MACROD2: variants seen among roughly 807,000 people sequenced by gnomAD.
MACROD2 encodes the protein ADP-ribose glycohydrolase MACROD2.
Under a neutral mutation model 70.4 loss-of-function variants are expected in MACROD2, and 36 were observed. The ratio of observed to expected loss-of-function variants is 0.51; its 90% CI spans 0.39 to 0.68. The LOEUF (loss-of-function observed/expected upper bound fraction) is 0.68, where lower values mean the gene tolerates loss of function less well. Among genes scored for constraint, MACROD2 ranks in the 30% least tolerant of loss-of-function variants. MACROD2 has a pLI of 0.00. For synonymous variants in MACROD2, 172 were observed against 178.8 expected, an observed-to-expected ratio of 0.96 and a Z score of 0.30; for missense variants, 496 against 538.4, an observed-to-expected ratio of 0.92 and a Z score of 0.78.
chr20:15,995,357 TA>T (rs1208130100), intron 15 of MACROD2, among the ~76,000 whole-genome samples: 1 of 151,318 alleles, frequency 6.6e-6, no homozygotes, highest in African/African-American at 2.4e-5. Flanking sequence ...TTATTATTAT[TA>T]TTTTTTTTGG....
chr20:15,483,171 C>T (rs6034203), intron 7 of MACROD2, among the ~76,000 whole-genome samples: 124,658 of 152,060 alleles, frequency 0.82, 51,555 homozygotes, highest in East Asian at 0.94. Flanking sequence ...CCTGTTATCC[C>T]CTAGGAGTTT....
chr20:14,277,279 C>G (rs2082267611), intron 3 of MACROD2, among the ~76,000 whole-genome samples: 3 of 152,164 alleles, frequency 2.0e-5, no homozygotes, highest in Non-Finnish European at 4.4e-5. Flanking sequence ...GAAACCCCGT[C>G]TCTACTAAAA....
At chr20:14,130,409 G>C (rs1329292583) in intron 3 of MACROD2, among the ~76,000 whole-genome samples, 2 of 152,028 alleles carry the variant, frequency 1.3e-5, no homozygotes, top group African/African-American at 4.8e-5. Flanking sequence ...TTAGCCGAGC[G>C]TGATGGCGGG....
chr20:14,658,092 T>G (rs774243858), intron 4 of MACROD2, among the ~76,000 whole-genome samples: 3 of 152,210 alleles, frequency 2.0e-5, no homozygotes, highest in African/African-American at 4.8e-5. Context: ...TGCATCCTTT[T>G]TTTTCAATAA....
intron 5 of MACROD2, among the ~76,000 whole-genome samples, chr20:15,138,031 T>C (rs1415893472): frequency 6.6e-6 from 1 of 152,180 alleles, no homozygotes; most frequent in Non-Finnish European, 1.5e-5. Context: ...CTAATCAATA[T>C]TGACTGACAA....
intron 2 of MACROD2, among the ~76,000 whole-genome samples, chr20:14,043,635 C>T (rs959650876): frequency 6.6e-6 from 1 of 152,224 alleles, no homozygotes; most frequent in Non-Finnish European, 1.5e-5. Context: ...GATTCTTAGC[C>T]TCTCTGTGCA....
chr20:14,486,231 G>T (rs999918876), intron 3 of MACROD2, among the ~76,000 whole-genome samples: 20 of 152,132 alleles, frequency 1.3e-4, no homozygotes, highest in South Asian at 6.2e-4. Context: ...AAGTCATGTT[G>T]TAAAGAACCT....
intron 3 of MACROD2, among the ~76,000 whole-genome samples, chr20:14,163,175 A>G (rs958431647): frequency 6.6e-6 from 1 of 152,140 alleles, no homozygotes. Flanking sequence ...TTATCTGGGA[A>G]ATACTTTAGT....
At chr20:15,589,142 G>A (rs542713595) in intron 8 of MACROD2, among the ~76,000 whole-genome samples, 20 of 152,264 alleles carry the variant, frequency 1.3e-4, no homozygotes, top group East Asian at 1.9e-4. Context: ...AAAATGAGGA[G>A]GAAGCAAAAG....
chr20:15,143,765 T>C (rs2076209595), intron 5 of MACROD2, among the ~76,000 whole-genome samples: 1 of 152,036 alleles, frequency 6.6e-6, no homozygotes, highest in South Asian at 2.1e-4. Flanking sequence ...TGTTAATTTT[T>C]TTCTTTTTTA....
intron 2 of MACROD2, among the ~76,000 whole-genome samples, chr20:14,052,327 A>G (rs2053578374): frequency 6.6e-6 from 1 of 152,212 alleles, no homozygotes; most frequent in Admixed American, 6.5e-5. Context: ...GGTACACAGC[A>G]TGCTGACATA....
At chr20:14,192,399 A>G (rs553868747) in intron 3 of MACROD2, among the ~76,000 whole-genome samples, 1 of 152,266 alleles carries the variant, frequency 6.6e-6, no homozygotes, top group South Asian at 2.1e-4. Context: ...GGAGAAGGTT[A>G]GCAAGTGTGG....
chr20:15,454,974 G>A (rs6079837), intron 7 of MACROD2, among the ~76,000 whole-genome samples: 3 of 151,812 alleles, frequency 2.0e-5, no homozygotes, highest in Admixed American at 6.6e-5. Context: ...CTTTACTGTC[G>A]AAGGCCATCT....
At chr20:14,711,440 G>A (rs2071337372) in intron 5 of MACROD2, among the ~76,000 whole-genome samples, 1 of 152,106 alleles carries the variant, frequency 6.6e-6, no homozygotes, top group Non-Finnish European at 1.5e-5. Flanking sequence ...GAAATTTTTA[G>A]TGTTGTTTAA....
chr20:14,449,489 C>G (rs1056133345), intron 3 of MACROD2, among the ~76,000 whole-genome samples: 3 of 152,016 alleles, frequency 2.0e-5, no homozygotes, highest in Non-Finnish European at 2.9e-5. Flanking sequence ...TGATTAAACC[C>G]AAGGTATGTA....
At chr20:15,750,385 C>G (rs2051250326) in intron 8 of MACROD2, among the ~76,000 whole-genome samples, 1 of 151,872 alleles carries the variant, frequency 6.6e-6, no homozygotes, top group Non-Finnish European at 1.5e-5. Flanking sequence ...GAAAAGGGAA[C>G]ACTTACACAC....
At chr20:15,352,448 T>A (rs2078238032) in intron 6 of MACROD2, among the ~76,000 whole-genome samples, 1 of 152,176 alleles carries the variant, frequency 6.6e-6, no homozygotes, top group South Asian at 2.1e-4. Flanking sequence ...AATATCTATA[T>A]ATATATTCCA....
chr20:15,936,684 T>TAC (rs1247582460), intron 11 of MACROD2, among the ~76,000 whole-genome samples: 2 of 150,750 alleles, frequency 1.3e-5, no homozygotes, highest in Non-Finnish European at 2.9e-5. Flanking sequence ...TATATATATA[T>TAC]ATATTCATTT....
chr20:15,998,639 A>G (rs1286740281), intron 15 of MACROD2, among the ~76,000 whole-genome samples: 1 of 143,356 alleles, frequency 7.0e-6, no homozygotes. Context: ...ATCTTGGCTC[A>G]CTGCAAGCTC....
Sources: allele counts gnomAD v4.1 joint callset (sites outside exome capture counted in the v4.1 genomes callset), GRCh38; gene constraint gnomAD v4.1.1; transcripts MANE v1.5; gene names NCBI Gene and HGNC (gene_info 2026-07-23, HGNC 2026-07-21).